Variants in PLEKHA6 observed in about 807,000 individuals in gnomAD.
The protein encoded by PLEKHA6 is pleckstrin homology domain-containing family A member 6.
A neutral mutation model predicts 116.7 loss-of-function variants in PLEKHA6; 60 were observed. The observed-to-expected ratio is 0.51, with a 90% CI of 0.42 to 0.64. The LOEUF (loss-of-function observed/expected upper bound fraction) is 0.64, where lower values mean the gene tolerates loss of function less well. PLEKHA6 is among the 30% of genes least tolerant of loss of function. The probability of loss-of-function intolerance (pLI) is 0.00; values close to 1 mark genes in which losing one functional copy is unlikely to be tolerated. For synonymous variants in PLEKHA6, 489 were observed against 556.1 expected (o/e 0.88, Z 1.70); for missense variants, 1,338 against 1,422.7 (o/e 0.94, Z 0.96).
At chr1:204,373,584 T>C (rs555482249) in intron 1 of PLEKHA6, among the ~76,000 whole-genome samples, 15 of 152,320 alleles carry the variant, frequency 9.8e-5, no homozygotes, top group African/African-American at 3.1e-4. Context: ...AATTGCTGAA[T>C]AGTATTCCAT....
chr1:204,280,713 G>A lies in PLEKHA6; in HGVS notation c.-94-5904C>T, dbSNP rs144297429. 2.4e-3 allele frequency among the ~76,000 whole-genome samples: 366 copies of A among 152,300 alleles called. 2 individuals are homozygous for A. The Middle Eastern group carries it at 0.034, about 14-fold the overall frequency. On this transcript the variant is annotated intron_variant, in intron 1 of 22. Coordinates refer to ENST00000272203, the MANE Select transcript of PLEKHA6 (RefSeq NM_014935.5). ...GAGGATTTCTGCTGCCACAGAGGAG[G>A]GGAAGGTGGGGAGAAGGTTGGCTCC...
intron 17 of PLEKHA6, among the ~76,000 whole-genome samples, chr1:204,236,608 CA>C (rs1328332245): frequency 6.6e-6 from 1 of 152,116 alleles, no homozygotes; most frequent in South Asian, 2.1e-4. Context: ...TGGTGGCACT[CA>C]ACCATCAAAG....
At chr1:204,234,091 G>A (rs1205892933) in intron 17 of PLEKHA6, among the ~76,000 whole-genome samples, 4 of 152,150 alleles carry the variant, frequency 2.6e-5, no homozygotes, top group Admixed American at 2.0e-4. Flanking sequence ...CTCTGCAGAT[G>A]TAATTAAGAA....
chr1:204,293,430 C>T (rs1326433070), intron 1 of PLEKHA6, among the ~76,000 whole-genome samples: 5 of 152,022 alleles, frequency 3.3e-5, no homozygotes, highest in Non-Finnish European at 5.9e-5. Flanking sequence ...CCACTGCACC[C>T]GGCCAATCAA....
intron 4 of PLEKHA6, 42 bp downstream of exon 4, chr1:204,268,166 A>G: frequency 7.9e-7 from 1 of 1,260,962 alleles, no homozygotes; most frequent in Admixed American, 1.9e-5. Flanking sequence ...CTGTGAGGAG[A>G]AGGTGGAGGC....
At chr1:204,237,722 C>A (rs1405439692) in intron 17 of PLEKHA6, among the ~76,000 whole-genome samples, 1 of 152,232 alleles carries the variant, frequency 6.6e-6, no homozygotes. Flanking sequence ...AACAATATAC[C>A]TTTACTGTCC....
At chr1:204,265,137 T>C (rs1666641261) in intron 5 of PLEKHA6, 95 bp from the exon 6 acceptor site, 2 of 819,978 alleles carry the variant, frequency 2.4e-6, no homozygotes, top group Non-Finnish European at 4.3e-6. Context: ...CCCTCCCTGA[T>C]AAATATCAAT....
chr1:204,275,005 G>T, intron 1 of PLEKHA6, 196 bp from the exon 2 acceptor site: 1 of 886,782 alleles, frequency 1.1e-6, no homozygotes, highest in Non-Finnish European at 1.4e-6. Context: ...GGAAGGAAGA[G>T]ATGAAGCCTG....
intron 1 of PLEKHA6, among the ~76,000 whole-genome samples, chr1:204,323,098 G>A (rs1422778922): frequency 6.6e-6 from 1 of 152,234 alleles, no homozygotes; most frequent in Non-Finnish European, 1.5e-5. Flanking sequence ...CTACAGCTAT[G>A]TGGCAGGCAT....
chr1:204,267,827 G>A (rs1046650541), intron 4 of PLEKHA6, among the ~76,000 whole-genome samples: 3 of 152,180 alleles, frequency 2.0e-5, no homozygotes, highest in South Asian at 2.1e-4. Context: ...GGCAGGCAGG[G>A]ATAGTGGCAA....
chr1:204,328,046 TTTTATTTATTTATTTATTTATTTATTTA>T (rs200664605), intron 1 of PLEKHA6, among the ~76,000 whole-genome samples: 28 of 142,522 alleles, frequency 2.0e-4, no homozygotes, highest in Non-Finnish European at 3.8e-4. Flanking sequence ...CTTTTATTTA[TTTTATTTATTTATTTATTTATTTATTTA>T]TTTATTTATT....
intron 8 of PLEKHA6, among the ~76,000 whole-genome samples, chr1:204,258,839 A>G (rs1405795517): frequency 6.6e-6 from 1 of 152,220 alleles, no homozygotes; most frequent in African/African-American, 2.4e-5. Context: ...CAAAAATGGA[A>G]TGAGTTGGTC....
chr1:204,226,598 C>T (rs936849813), intron 21 of PLEKHA6, among the ~76,000 whole-genome samples: 8 of 152,132 alleles, frequency 5.3e-5, no homozygotes, highest in Non-Finnish European at 1.2e-4. Context: ...GTTTTGCTGC[C>T]TTTTGGCTGC....
intron 1 of PLEKHA6, among the ~76,000 whole-genome samples, chr1:204,357,405 A>C (rs1673444585): frequency 6.6e-6 from 1 of 152,224 alleles, no homozygotes; most frequent in South Asian, 2.1e-4. Context: ...GCTTCCACTC[A>C]GCCTACCCTC....
intron 17 of PLEKHA6, among the ~76,000 whole-genome samples, chr1:204,233,431 C>T (rs900840362): frequency 6.6e-6 from 1 of 150,668 alleles, no homozygotes. Context: ...ACCTCTGCCT[C>T]CCAGGTTCAA....
chr1:204,226,980 A>C (rs1660449965), intron 21 of PLEKHA6, among the ~76,000 whole-genome samples: 1 of 152,230 alleles, frequency 6.6e-6, no homozygotes, highest in African/African-American at 2.4e-5. Flanking sequence ...TGTTTGGCAC[A>C]CATTGTTTCC....
chr1:204,316,434 C>T (rs982931508), intron 1 of PLEKHA6, among the ~76,000 whole-genome samples: 1 of 152,162 alleles, frequency 6.6e-6, no homozygotes, highest in African/African-American at 2.4e-5. Flanking sequence ...GGGAGAAATG[C>T]TTTCAATGGG....
chr1:204,332,410 C>G (rs1672487450), intron 1 of PLEKHA6, among the ~76,000 whole-genome samples: 1 of 152,100 alleles, frequency 6.6e-6, no homozygotes, highest in African/African-American at 2.4e-5. Context: ...CTCGCTGTGT[C>G]ACCCAGGCTA....
At chr1:204,227,658 C>A (rs1185111563) in intron 21 of PLEKHA6, among the ~76,000 whole-genome samples, 1 of 152,170 alleles carries the variant, frequency 6.6e-6, no homozygotes, top group Non-Finnish European at 1.5e-5. Context: ...TTCCTATTTG[C>A]ATGCAGCAAA....
Sources: gnomAD v4.1 joint callset for allele counts (sites outside exome capture counted in the v4.1 genomes callset) on GRCh38, gnomAD v4.1.1 for gene constraint, MANE v1.5 for transcripts, NCBI Gene and HGNC (gene_info 2026-07-23, HGNC 2026-07-21) for gene names.